SLC25A48: variants seen among roughly 807,000 people sequenced by gnomAD.
The protein encoded by SLC25A48 is solute carrier family 25 member 48.
In SLC25A48, 29 loss-of-function variants were observed where a neutral mutation model predicts 32.2. The observed-to-expected ratio is 0.90, with a 90% confidence interval of 0.67 to 1.23. The LOEUF (loss-of-function observed/expected upper bound fraction) is 1.23, where lower values mean the gene tolerates loss of function less well. Among genes scored for constraint, SLC25A48 ranks in the 50% most tolerant of loss-of-function variants. SLC25A48 has a pLI of 0.00. For missense variants in SLC25A48, 399 were observed against 422.7 expected, an observed-to-expected ratio of 0.94 and a Z score of 0.49; for synonymous variants, 164 against 172.3, an observed-to-expected ratio of 0.95 and a Z score of 0.38.
intron 4 of SLC25A48, among the ~76,000 whole-genome samples, chr5:135,853,123 C>T (rs1760030251): frequency 6.6e-6 from 1 of 152,102 alleles, no homozygotes; most frequent in Non-Finnish European, 1.5e-5. Context: ...AGTATATATA[C>T]CTTAATTAAA....
At chr5:135,693,652 C>T (rs1754197914) in intron 3 of SLC25A48, among the ~76,000 whole-genome samples, 1 of 152,332 alleles carries the variant, frequency 6.6e-6, no homozygotes, top group Admixed American at 6.5e-5. Context: ...CCTGACACCA[C>T]CCGTGCCAAG....
intron 3 of SLC25A48, among the ~76,000 whole-genome samples, chr5:135,850,892 A>G (rs144341868): frequency 6.8e-4 from 103 of 152,236 alleles, no homozygotes; most frequent in African/African-American, 2.4e-3. Flanking sequence ...CTGAGCCTAG[A>G]CACCAGAGTT....
intron 3 of SLC25A48, among the ~76,000 whole-genome samples, chr5:135,690,069 C>CTGGG (rs1754109797): frequency 6.6e-6 from 1 of 152,078 alleles, no homozygotes; most frequent in Non-Finnish European, 1.5e-5. Context: ...TTGCTTGGGG[C>CTGGG]TGGGGGGTTT....
intron 3 of SLC25A48, among the ~76,000 whole-genome samples, chr5:135,664,252 C>T (rs560911313): frequency 6.6e-6 from 1 of 152,334 alleles, no homozygotes; most frequent in Admixed American, 6.5e-5. Context: ...TCATTCTGAC[C>T]ACCTTGGCTT....
intron 3 of SLC25A48, among the ~76,000 whole-genome samples, chr5:135,657,939 C>T (rs984683318): frequency 6.6e-6 from 1 of 152,180 alleles, no homozygotes; most frequent in African/African-American, 2.4e-5. Flanking sequence ...AATCCACTCC[C>T]ACCAGGTCCC....
At chr5:135,798,468 T>G (rs1246831962) in intron 3 of SLC25A48, among the ~76,000 whole-genome samples, 1 of 151,734 alleles carries the variant, frequency 6.6e-6, no homozygotes, top group Non-Finnish European at 1.5e-5. Flanking sequence ...TCGCAGGTTG[T>G]GTACATTCCC....
intron 3 of SLC25A48, among the ~76,000 whole-genome samples, chr5:135,654,419 A>G (rs1011604928): frequency 5.3e-5 from 8 of 152,172 alleles, no homozygotes; most frequent in Non-Finnish European, 1.0e-4. Context: ...ATTATGAGTG[A>G]AATGGAATGA....
chr5:135,849,173 T>G (rs1460186505), intron 2 of SLC25A48, among the ~76,000 whole-genome samples: 1 of 152,186 alleles, frequency 6.6e-6, no homozygotes, highest in Admixed American at 6.5e-5. Context: ...TTTAACTATA[T>G]GTACTCTTCC....
At chr5:135,751,623 C>T (rs1251347961) in intron 3 of SLC25A48, among the ~76,000 whole-genome samples, 1 of 152,010 alleles carries the variant, frequency 6.6e-6, no homozygotes, top group Non-Finnish European at 1.5e-5. Flanking sequence ...TGCTCGAGGC[C>T]AGGAGTTGGA....
intron 3 of SLC25A48, among the ~76,000 whole-genome samples, chr5:135,701,790 G>C (rs111396212): frequency 6.6e-6 from 1 of 152,170 alleles, no homozygotes; most frequent in African/African-American, 2.4e-5. Flanking sequence ...GGGTGAACTC[G>C]AGATGGAACC....
chr5:135,617,160 T>C (rs888557451), intron 1 of SLC25A48, among the ~76,000 whole-genome samples: 1 of 152,138 alleles, frequency 6.6e-6, no homozygotes, highest in Non-Finnish European at 1.5e-5. Context: ...GTTCAGGTTT[T>C]CTATTTCTTT....
chr5:135,751,659 C>A (rs369126929), intron 3 of SLC25A48, among the ~76,000 whole-genome samples: 3 of 152,182 alleles, frequency 2.0e-5, no homozygotes, highest in African/African-American at 7.2e-5. Context: ...CATAGTGAGA[C>A]CCTGTCTCTA....
At chr5:135,595,503 G>A (rs964605401) in intron 1 of SLC25A48, among the ~76,000 whole-genome samples, 174 of 152,344 alleles carry the variant, frequency 1.1e-3, no homozygotes, top group African/African-American at 4.0e-3. Context: ...CCCTTGGCAA[G>A]TTAGAAAAGC....
chr5:135,669,626 G>T (rs185894289), intron 3 of SLC25A48, among the ~76,000 whole-genome samples: 4 of 152,270 alleles, frequency 2.6e-5, no homozygotes, highest in Admixed American at 2.0e-4. Flanking sequence ...ATTAGTTGAG[G>T]GCTGCTTCTA....
chr5:135,730,293 G>A (rs1388137178), intron 3 of SLC25A48, among the ~76,000 whole-genome samples: 1 of 152,158 alleles, frequency 6.6e-6, no homozygotes, highest in African/African-American at 2.4e-5. Flanking sequence ...GAAGGTAGTT[G>A]ACTCATGGGG....
chr5:135,822,387 A>T (rs1277518887), intron 4 of SLC25A48, among the ~76,000 whole-genome samples: 2 of 152,184 alleles, frequency 1.3e-5, no homozygotes, highest in African/African-American at 4.8e-5. Context: ...GAAGGCCAAA[A>T]TTTCAAACTC....
At chr5:135,689,718 G>T (rs149939707) in intron 3 of SLC25A48, among the ~76,000 whole-genome samples, 104 of 152,346 alleles carry the variant, frequency 6.8e-4, no homozygotes, top group African/African-American at 2.4e-3. Context: ...GAGCTTGAAA[G>T]TGCCTGTCTC....
At chr5:135,659,019 T>C (rs1425324573) in intron 3 of SLC25A48, among the ~76,000 whole-genome samples, 1 of 152,240 alleles carries the variant, frequency 6.6e-6, no homozygotes, top group Non-Finnish European at 1.5e-5. Context: ...GAAGGCATTT[T>C]CCCTATTGTC....
At chr5:135,886,422 A>G (rs1431616426) in intron 7 of SLC25A48, among the ~76,000 whole-genome samples, 1 of 150,394 alleles carries the variant, frequency 6.6e-6, no homozygotes, top group Admixed American at 6.6e-5. Context: ...GAAGAAACTC[A>G]GCTCCAGCCC....
Sources: allele counts gnomAD v4.1 joint callset (sites outside exome capture counted in the v4.1 genomes callset), GRCh38; gene constraint gnomAD v4.1.1; transcripts MANE v1.5; gene names NCBI Gene and HGNC (gene_info 2026-07-23, HGNC 2026-07-21).